MAP2: variants seen among roughly 807,000 people sequenced by gnomAD.
MAP2 encodes the protein microtubule associated protein 2.
A neutral mutation model predicts 137.6 loss-of-function variants in MAP2; 14 were observed. That is an observed-to-expected ratio of 0.10 (90% confidence interval 0.07 to 0.16). MAP2 has a LOEUF of 0.16. Ranked by LOEUF, MAP2 falls within the 10% of genes least tolerant of loss-of-function variation. MAP2 has a pLI of 1.00. For synonymous variants in MAP2, 786 were observed against 782.3 expected, an observed-to-expected ratio of 1.00 and a Z score of -0.08; for missense variants, 2,088 against 2,191.5, an observed-to-expected ratio of 0.95 and a Z score of 0.94.
chr2:209,491,181 T>C (rs1418987607), intron 1 of MAP2, among the ~76,000 whole-genome samples: 2 of 152,162 alleles, frequency 1.3e-5, no homozygotes, highest in African/African-American at 4.8e-5. Context: ...CCAAACAACC[T>C]GCTCCTAAAT....
chr2:209,722,830 C>G (rs1347881699), intron 13 of MAP2, among the ~76,000 whole-genome samples: 1 of 152,184 alleles, frequency 6.6e-6, no homozygotes, highest in Non-Finnish European at 1.5e-5. Context: ...TCAATCAAGG[C>G]CTGACCTATG....
intron 5 of MAP2, among the ~76,000 whole-genome samples, chr2:209,653,656 C>A (rs150442932): frequency 6.6e-6 from 1 of 152,086 alleles, no homozygotes; most frequent in East Asian, 1.9e-4. Context: ...ATTTTTATCA[C>A]GTGAATTTTT....
intron 1 of MAP2, among the ~76,000 whole-genome samples, chr2:209,430,674 T>C (rs1199769943): frequency 6.6e-6 from 1 of 152,220 alleles, no homozygotes; most frequent in African/African-American, 2.4e-5. Context: ...ATCTCCATGT[T>C]GATCAAAATG....
chr2:209,697,765 T>G (rs2060604009), intron 10 of MAP2, among the ~76,000 whole-genome samples: 1 of 152,220 alleles, frequency 6.6e-6, no homozygotes, highest in Non-Finnish European at 1.5e-5. Flanking sequence ...ATAATTTAGT[T>G]TCACAAATTT....
intron 3 of MAP2, among the ~76,000 whole-genome samples, chr2:209,603,737 G>A (rs2083718082): frequency 6.6e-6 from 1 of 151,946 alleles, no homozygotes. Context: ...TCAATTTTTG[G>A]AATACAATGC....
chr2:209,666,291 T>TTC (rs1328577814), intron 5 of MAP2, among the ~76,000 whole-genome samples: 1 of 152,116 alleles, frequency 6.6e-6, no homozygotes, highest in Non-Finnish European at 1.5e-5. Flanking sequence ...TCCAGGCCAG[T>TTC]TCTCATCTAA....
intron 3 of MAP2, among the ~76,000 whole-genome samples, chr2:209,598,338 C>T (rs1424009579): frequency 6.6e-6 from 1 of 152,146 alleles, no homozygotes. Context: ...TGAACCCCGG[C>T]ACCCAGTGCA....
intron 1 of MAP2, among the ~76,000 whole-genome samples, chr2:209,431,146 T>G (rs187287537): frequency 6.6e-6 from 1 of 152,314 alleles, no homozygotes; most frequent in East Asian, 1.9e-4. Flanking sequence ...TCCTGGACAT[T>G]CTTACTGCCT....
chr2:209,651,400 C>G (rs1324590582), intron 4 of MAP2, among the ~76,000 whole-genome samples: 1 of 152,106 alleles, frequency 6.6e-6, no homozygotes. Flanking sequence ...GGCTCCTATT[C>G]CTATGCCAAT....
rs201819060 is a variant in MAP2, at chr2:209,694,601, G to T, written c.2431G>T (p.Asp811Tyr). 61 of 1,613,930 alleles carry T rather than the reference G, an allele frequency of 3.8e-5. No individual in the cohort carries two copies. Among genetic ancestry groups the T allele is most frequent in the Non-Finnish European group, 8.5e-6 (10 of 1,179,938 alleles). ...GGCACCTGACCTTCCTGAAATGCTA[G>T]ATCTGGCAGGCACAAGGTCAAGATT... ...VMAPDLPEML[D>Y]LAGTRSRLAS... The change falls in exon 8 of 16, where the codon GAT becomes TAT. Residue 811 changes from aspartate (D) to tyrosine (Y), a missense_variant. By Grantham distance (160) the Asp-to-Tyr change is radical. Transcript: ENST00000682079.
intron 2 of MAP2, among the ~76,000 whole-genome samples, chr2:209,533,009 G>A (rs567899310): frequency 6.6e-6 from 1 of 152,062 alleles, no homozygotes; most frequent in Admixed American, 6.6e-5. Flanking sequence ...CAAGTGGTCC[G>A]CACTGCATTT....
intron 7 of MAP2, chr2:209,690,839 G>T: frequency 7.8e-7 from 1 of 1,280,042 alleles, no homozygotes; most frequent in Non-Finnish European, 1.0e-6. Context: ...CCCTTCCTCT[G>T]CTGGGGAAGG....
At chr2:209,708,063 A>T (rs2064039022) in intron 12 of MAP2, among the ~76,000 whole-genome samples, 1 of 152,170 alleles carries the variant, frequency 6.6e-6, no homozygotes, top group Non-Finnish European at 1.5e-5. Context: ...TACAGGGATG[A>T]TCCCTCTCCC....
intron 1 of MAP2, among the ~76,000 whole-genome samples, chr2:209,463,348 C>G (rs1230438954): frequency 6.6e-6 from 1 of 152,070 alleles, no homozygotes; most frequent in South Asian, 2.1e-4. Flanking sequence ...CATTTCTTAA[C>G]TTGTCTCATG....
chr2:209,491,111 G>A (rs1428850134), intron 1 of MAP2, among the ~76,000 whole-genome samples: 1 of 152,156 alleles, frequency 6.6e-6, no homozygotes, highest in East Asian at 1.9e-4. Flanking sequence ...AGACCACAGT[G>A]CAATCAGATT....
chr2:209,690,974 G>C, intron 7 of MAP2: 4 of 927,216 alleles, frequency 4.3e-6, no homozygotes, highest in Middle Eastern at 3.5e-4. Context: ...CAAGTCCACT[G>C]TTGTAGGCTT....
intron 2 of MAP2, among the ~76,000 whole-genome samples, chr2:209,528,540 TCTTAA>T (rs1265370660): frequency 6.6e-6 from 1 of 152,094 alleles, no homozygotes; most frequent in Non-Finnish European, 1.5e-5. Context: ...CACATTTCAT[TCTTAA>T]CTTGATTATA....
intron 1 of MAP2, among the ~76,000 whole-genome samples, chr2:209,505,844 C>T (rs967536875): frequency 2.6e-5 from 4 of 151,794 alleles, no homozygotes; most frequent in Admixed American, 6.6e-5. Context: ...TAGTGGTTCA[C>T]GCTTGTAGTT....
intron 2 of MAP2, among the ~76,000 whole-genome samples, chr2:209,546,794 A>G (rs1366620478): frequency 6.6e-6 from 1 of 152,252 alleles, no homozygotes; most frequent in African/African-American, 2.4e-5. Context: ...TTCTCCAAAT[A>G]ATCCAGATTT....
Sources: allele counts gnomAD v4.1 joint callset (sites outside exome capture counted in the v4.1 genomes callset), GRCh38; gene constraint gnomAD v4.1.1; transcripts MANE v1.5; gene names NCBI Gene and HGNC (gene_info 2026-07-23, HGNC 2026-07-21).